SLC9A9: variants seen among roughly 807,000 people sequenced by gnomAD.
SLC9A9 encodes the protein sodium/hydrogen exchanger 9.
In SLC9A9, 62 loss-of-function variants were observed where a neutral mutation model predicts 77.8. The ratio of observed to expected loss-of-function variants is 0.80; its 90% confidence interval spans 0.65 to 0.98. SLC9A9 has a LOEUF of 0.98. Among genes scored for constraint, SLC9A9 ranks in the 50% least tolerant of loss-of-function variants. The pLI, the probability that SLC9A9 is intolerant of heterozygous loss-of-function variation, is 0.00. For synonymous variants in SLC9A9, 320 were observed against 283.5 expected (o/e 1.13, Z -1.29); for missense variants, 775 against 774.9 (o/e 1.00, Z 0.00).
At chr3:143,495,533 G>C in intron 9 of SLC9A9, 85 bp from the exon 10 acceptor site, 1 of 1,015,942 alleles carries the variant, frequency 9.8e-7, no homozygotes, top group Non-Finnish European at 1.6e-6. Context: ...TTTGACAACT[G>C]ACTGGGTCTC....
intron 14 of SLC9A9, among the ~76,000 whole-genome samples, chr3:143,285,108 T>A (rs894489262): frequency 2.0e-5 from 3 of 152,166 alleles, no homozygotes; most frequent in African/African-American, 4.8e-5. Flanking sequence ...TATATATTTT[T>A]AAATCTAGGA....
At chr3:143,619,977 G>T (rs1050527686) in intron 6 of SLC9A9, among the ~76,000 whole-genome samples, 4 of 152,128 alleles carry the variant, frequency 2.6e-5, no homozygotes, top group African/African-American at 9.7e-5. Flanking sequence ...TTCAACCTGG[G>T]TGTCTTTGGT....
intron 14 of SLC9A9, chr3:143,343,338 T>C (rs2032164395): frequency 6.6e-6 from 1 of 152,188 alleles, no homozygotes; most frequent in Non-Finnish European, 1.5e-5. Context: ...TAAACATCTT[T>C]TCATTTTCTA....
intron 6 of SLC9A9, among the ~76,000 whole-genome samples, chr3:143,610,616 C>T (rs1033092942): frequency 6.6e-6 from 1 of 152,294 alleles, no homozygotes; most frequent in Admixed American, 6.5e-5. Flanking sequence ...CTAAGGACAA[C>T]AGGCATGGAG....
intron 1 of SLC9A9, among the ~76,000 whole-genome samples, chr3:143,842,340 C>T (rs2009728498): frequency 6.6e-6 from 1 of 152,160 alleles, no homozygotes; most frequent in African/African-American, 2.4e-5. Context: ...GAGATTGTGC[C>T]ACTGTACTCT....
At chr3:143,355,122 T>C (rs993103351) in intron 14 of SLC9A9, among the ~76,000 whole-genome samples, 2 of 152,180 alleles carry the variant, frequency 1.3e-5, no homozygotes, top group South Asian at 2.1e-4. Flanking sequence ...GCTCCATCCA[T>C]TTACTCAAAA....
chr3:143,363,343 C>T, intron 14 of SLC9A9, 141 bp downstream of exon 14: 1 of 775,146 alleles, frequency 1.3e-6, no homozygotes, highest in Non-Finnish European at 2.2e-6. Flanking sequence ...TGAAATCATT[C>T]CTTTTTATAA....
At chr3:143,715,244 G>A (rs978810832) in intron 4 of SLC9A9, among the ~76,000 whole-genome samples, 2 of 151,806 alleles carry the variant, frequency 1.3e-5, no homozygotes, top group African/African-American at 4.8e-5. Context: ...GGCTCCCTTT[G>A]TCCTTTGCTC....
chr3:143,569,766 A>T (rs2037227878), intron 8 of SLC9A9, among the ~76,000 whole-genome samples: 3 of 151,154 alleles, frequency 2.0e-5, no homozygotes, highest in African/African-American at 7.3e-5. Context: ...GAGAATATTT[A>T]TGGCCTATAT....
At chr3:143,267,621 G>T (rs1376128723) in intron 15 of SLC9A9, among the ~76,000 whole-genome samples, 1 of 152,096 alleles carries the variant, frequency 6.6e-6, no homozygotes, top group Non-Finnish European at 1.5e-5. Flanking sequence ...CCAAAGTGCT[G>T]GGATTACAGG....
intron 2 of SLC9A9, among the ~76,000 whole-genome samples, chr3:143,820,225 T>C (rs1454850748): frequency 6.6e-6 from 1 of 152,188 alleles, no homozygotes; most frequent in African/African-American, 2.4e-5. Flanking sequence ...CTCTAGAGAT[T>C]GGCCTTTTAA....
At chr3:143,332,010 G>A (rs2031786623) in intron 14 of SLC9A9, among the ~76,000 whole-genome samples, 1 of 152,150 alleles carries the variant, frequency 6.6e-6, no homozygotes, top group Non-Finnish European at 1.5e-5. Context: ...AACAGCATGA[G>A]CAAAGTCATG....
At chr3:143,739,333 A>G (rs1347751645) in intron 4 of SLC9A9, among the ~76,000 whole-genome samples, 1 of 152,182 alleles carries the variant, frequency 6.6e-6, no homozygotes, top group Non-Finnish European at 1.5e-5. Context: ...TGTGCCAGAC[A>G]CCAGGGAAAA....
chr3:143,650,494 T>C (rs1162596257), intron 6 of SLC9A9, among the ~76,000 whole-genome samples: 1 of 152,156 alleles, frequency 6.6e-6, no homozygotes, highest in Admixed American at 6.5e-5. Context: ...ACAGCACTGG[T>C]AGACAGCCTG....
At chr3:143,524,879 C>T (rs896570084) in intron 9 of SLC9A9, among the ~76,000 whole-genome samples, 8 of 152,162 alleles carry the variant, frequency 5.3e-5, no homozygotes, top group Non-Finnish European at 1.0e-4. Flanking sequence ...TTGTACATGT[C>T]TATTTCTCCT....
At chr3:143,677,823 C>CT (rs553429664) in intron 5 of SLC9A9, among the ~76,000 whole-genome samples, 1,260 of 110,242 alleles carry the variant, frequency 0.011, 46 homozygotes, top group African/African-American at 0.032. Flanking sequence ...TCTTCAGAGT[C>CT]TTTTTTTTTT....
intron 9 of SLC9A9, among the ~76,000 whole-genome samples, chr3:143,520,515 A>G (rs1475644384): frequency 2.0e-5 from 3 of 152,240 alleles, no homozygotes; most frequent in Non-Finnish European, 4.4e-5. Flanking sequence ...ATAGCAGTCC[A>G]AACTGATAAA....
chr3:143,450,119 A>C (rs1310122950), intron 12 of SLC9A9, among the ~76,000 whole-genome samples: 1 of 126,054 alleles, frequency 7.9e-6, no homozygotes, highest in African/African-American at 3.0e-5. Context: ...ATTATATTAT[A>C]TATTATAATA....
intron 9 of SLC9A9, among the ~76,000 whole-genome samples, chr3:143,500,926 T>G (rs897054689): frequency 6.6e-6 from 1 of 150,380 alleles, no homozygotes; most frequent in African/African-American, 2.5e-5. Context: ...GGAAAAAAGA[T>G]AGATTGTTTG....
Sources: allele counts gnomAD v4.1 joint callset (sites outside exome capture counted in the v4.1 genomes callset), GRCh38; gene constraint gnomAD v4.1.1; transcripts MANE v1.5; gene names NCBI Gene and HGNC (gene_info 2026-07-23, HGNC 2026-07-21).